MGLL: variants seen among roughly 807,000 people sequenced by gnomAD.
The protein encoded by MGLL is monoglyceride lipase.
In MGLL, 7 loss-of-function variants were observed where a neutral mutation model predicts 29.1. The ratio of observed to expected loss-of-function variants is 0.24; its 90% CI spans 0.14 to 0.45. The LOEUF is 0.45. Ranked by LOEUF, MGLL falls within the 20% of genes least tolerant of loss-of-function variation. The pLI is 0.99. For missense variants in MGLL, 356 were observed against 413.6 expected, an observed-to-expected ratio of 0.86 and a Z score of 1.21; for synonymous variants, 148 against 168.3, an observed-to-expected ratio of 0.88 and a Z score of 0.93.
chr3:127,700,119 T>C lies in MGLL; in HGVS notation c.601-4929A>G, dbSNP rs957900590. On this transcript the variant is annotated intron_variant, in intron 6 of 7. Coordinates refer to ENST00000265052, the MANE Select transcript of MGLL (RefSeq NM_007283.7). ...TCTCTCTTAATCCATCCATTTCCAATACAGGGAACTCGGATAGCCTTCTCT... is the reference window on the plus strand; with the variant it reads ...TCTCTCTTAATCCATCCATTTCCAACACAGGGAACTCGGATAGCCTTCTCT... Among the ~76,000 whole-genome samples the C allele has an allele frequency of 3.9e-5, 6 of 152,162 alleles. 1 individual carries two copies. The highest frequency in any genetic ancestry group is 5.9e-5 in the Non-Finnish European group (4 of 68,026).
intron 3 of MGLL, among the ~76,000 whole-genome samples, chr3:127,728,051 A>G (rs2087038874): frequency 6.6e-6 from 1 of 152,238 alleles, no homozygotes; most frequent in Non-Finnish European, 1.5e-5. Flanking sequence ...AATTAGATGC[A>G]TTAACTTCAA....
intron 3 of MGLL, among the ~76,000 whole-genome samples, chr3:127,777,621 C>A (rs1459450455): frequency 6.6e-6 from 1 of 152,224 alleles, no homozygotes; most frequent in East Asian, 1.9e-4. Context: ...ATGAAAGCCA[C>A]ATGCTAAGTA....
At chr3:127,727,642 G>A (rs1271548150) in intron 3 of MGLL, among the ~76,000 whole-genome samples, 2 of 145,898 alleles carry the variant, frequency 1.4e-5, no homozygotes, top group East Asian at 4.0e-4. Flanking sequence ...AGCCCAGGAG[G>A]TCAAGGCTGC....
rs61121058 is a variant in MGLL at position 127,714,918 on chromosome 3, T to C, written c.511-4253A>G. Reference sequence around the variant, plus strand: ...CTGTTCCTTCAATCCAGTTGGCGTATGGTAGCGGGCACAGCACACCCATCC... The same window carrying C: ...CTGTTCCTTCAATCCAGTTGGCGTACGGTAGCGGGCACAGCACACCCATCC... On this transcript the variant is annotated intron_variant, in intron 5 of 7. Transcript: ENST00000265052. Among the ~76,000 whole-genome samples the C allele has an allele frequency of 2.3e-3, 351 of 152,278 alleles. 1 individual carries two copies. The highest frequency in any genetic ancestry group is 8.0e-3 in the African/African-American group (332 of 41,550).
At chr3:127,714,421 G>C (rs1415511608) in intron 5 of MGLL, among the ~76,000 whole-genome samples, 1 of 152,238 alleles carries the variant, frequency 6.6e-6, no homozygotes, top group Admixed American at 6.5e-5. Flanking sequence ...CTCCCCTAAA[G>C]GAGCTGCTGC....
At chr3:127,800,372 C>T (rs968359153) in intron 2 of MGLL, among the ~76,000 whole-genome samples, 3 of 152,202 alleles carry the variant, frequency 2.0e-5, no homozygotes, top group Admixed American at 2.0e-4. Context: ...TAATAAGACC[C>T]CTTACATGGG....
At chr3:127,795,734 C>T (rs953122707) in intron 2 of MGLL, among the ~76,000 whole-genome samples, 2 of 151,964 alleles carry the variant, frequency 1.3e-5, no homozygotes, top group African/African-American at 4.8e-5. Context: ...CAAATCTGCA[C>T]ATATGTAATA....
rs1368313716 is a variant in MGLL, at chr3:127,730,274, G to A, written c.263-7708C>T. On this transcript the variant is annotated intron_variant, in intron 3 of 7. Transcript: ENST00000265052. ...CTCTCCATGACCCACCTCCTCTTCC[G>A]GAAGCTGCTCTGATGGTGTCGTGGT... Among the ~76,000 whole-genome samples the A allele has an allele frequency of 2.0e-5, 3 of 151,786 alleles. No homozygotes were observed. The East Asian group carries it at 5.8e-4, about 30-fold the overall frequency.
intron 5 of MGLL, among the ~76,000 whole-genome samples, chr3:127,720,325 C>A (rs1029044853): frequency 5.3e-5 from 8 of 152,168 alleles, no homozygotes; most frequent in Non-Finnish European, 1.2e-4. Flanking sequence ...ACCCTCACTG[C>A]GGCTATGTAT....
At chr3:127,767,893 C>G (rs1049232918) in intron 3 of MGLL, among the ~76,000 whole-genome samples, 1 of 152,180 alleles carries the variant, frequency 6.6e-6, no homozygotes, top group Non-Finnish European at 1.5e-5. Flanking sequence ...GATAAACACT[C>G]CACCTAAATG....
intron 6 of MGLL, among the ~76,000 whole-genome samples, chr3:127,702,205 G>C (rs2075504715): frequency 1.3e-5 from 2 of 152,252 alleles, no homozygotes; most frequent in Non-Finnish European, 2.9e-5. Context: ...TGCAGTTGAT[G>C]GGCCTGGCTG....
intron 3 of MGLL, among the ~76,000 whole-genome samples, chr3:127,726,270 G>T (rs2076043575): frequency 9.6e-6 from 1 of 103,902 alleles, no homozygotes; most frequent in African/African-American, 3.7e-5. Context: ...GAGAGAAGGA[G>T]GGAGGGAGAG....
chr3:127,720,154 C>A (rs1439492786), intron 5 of MGLL, among the ~76,000 whole-genome samples: 1 of 152,190 alleles, frequency 6.6e-6, no homozygotes, highest in African/African-American at 2.4e-5. Flanking sequence ...ATAGGGTAAG[C>A]CTGTGGGTGA....
intron 2 of MGLL, among the ~76,000 whole-genome samples, chr3:127,782,365 C>A (rs912091093): frequency 2.0e-5 from 3 of 152,204 alleles, no homozygotes; most frequent in Non-Finnish European, 4.4e-5. Flanking sequence ...TGTTAAAATG[C>A]GGGGCTTCAG....
At position 127,735,831 on chromosome 3, in the gene MGLL, G is replaced by A. The variant is rs150152007; in HGVS notation, c.263-13265C>T. On this transcript the variant is annotated intron_variant, in intron 3 of 7. Transcript: ENST00000265052. ...CTCTTGGTGCTCGCATCCTTCCAGG[G>A]GAAGATCCTTCTGAATCTAGTCTGC... The A allele has an allele frequency of 4.3e-5, 68 of 1,598,094 alleles. No individual in the cohort carries two copies. The East Asian group carries it at 1.5e-3, about 35-fold the overall frequency.
intron 3 of MGLL, among the ~76,000 whole-genome samples, chr3:127,776,940 C>T (rs2077046607): frequency 6.6e-6 from 1 of 152,168 alleles, no homozygotes; most frequent in Non-Finnish European, 1.5e-5. Flanking sequence ...CAATGTAAGA[C>T]ACTGTCTTTG....
intron 3 of MGLL, among the ~76,000 whole-genome samples, chr3:127,755,283 T>C (rs751212288): frequency 6.6e-6 from 1 of 152,160 alleles, no homozygotes; most frequent in South Asian, 2.1e-4. Flanking sequence ...TCAACGCTCT[T>C]GTAAAAGGAG....
At chr3:127,802,142 G>C (rs2077489609) in intron 2 of MGLL, among the ~76,000 whole-genome samples, 1 of 152,148 alleles carries the variant, frequency 6.6e-6, no homozygotes, top group Non-Finnish European at 1.5e-5. Context: ...GCATGTCAGG[G>C]TCAGGAGACA....
intron 6 of MGLL, among the ~76,000 whole-genome samples, chr3:127,698,494 T>A (rs1425093000): frequency 6.6e-6 from 1 of 152,072 alleles, no homozygotes; most frequent in African/African-American, 2.4e-5. Context: ...CCCCAAATAT[T>A]CCACACTGCA....
Sources: allele counts gnomAD v4.1 joint callset (sites outside exome capture counted in the v4.1 genomes callset), GRCh38; gene constraint gnomAD v4.1.1; transcripts MANE v1.5; gene names NCBI Gene and HGNC (gene_info 2026-07-23, HGNC 2026-07-21).